Variants in FNIP2 observed in about 807,000 individuals in gnomAD.
FNIP2 encodes the protein folliculin interacting protein 2, also known as folliculin-interacting protein 2.
A neutral mutation model predicts 108.7 loss-of-function variants in FNIP2; 32 were observed. The observed-to-expected ratio is 0.29, with a 90% CI of 0.22 to 0.40. FNIP2 has a LOEUF of 0.40. FNIP2 is among the 10% of genes least tolerant of loss of function. The pLI is 1.00. For missense variants in FNIP2, 1,202 were observed against 1,381.6 expected, an observed-to-expected ratio of 0.87 and a Z score of 2.06; for synonymous variants, 480 against 496.7, an observed-to-expected ratio of 0.97 and a Z score of 0.45.
intron 15 of FNIP2, among the ~76,000 whole-genome samples, chr4:158,892,032 A>C (rs1414781608): frequency 6.6e-6 from 1 of 152,230 alleles, no homozygotes; most frequent in Non-Finnish European, 1.5e-5. Flanking sequence ...TTATTAAGCA[A>C]ACATTTTCAC....
intron 5 of FNIP2, among the ~76,000 whole-genome samples, chr4:158,833,227 A>C (rs1378735336): frequency 6.6e-6 from 1 of 152,230 alleles, no homozygotes; most frequent in Non-Finnish European, 1.5e-5. Flanking sequence ...CTCGGGTGTC[A>C]GTCACTGAAG....
rs1030406823 is a variant in FNIP2 at position 158,907,691 on chromosome 4, G to C, written c.*3147G>C. On this transcript the variant is annotated 3_prime_UTR_variant, in exon 17 of 17. Transcript: ENST00000264433. ...ATTGAAAATGTCTTCAGCTTCTCTT[G>C]GTAAATGTGAACCATTTGTTTTTTA... 1 of 152,124 alleles carries C rather than the reference G, an allele frequency of 6.6e-6. No homozygotes were observed. Among genetic ancestry groups the C allele is most frequent in the African/African-American group, 2.4e-5 (1 of 41,420 alleles). 9.4% of individuals were successfully genotyped at this position (152,124 alleles called of 1,614,324 possible).
chr4:158,869,585 G>C (rs934439992), intron 13 of FNIP2, among the ~76,000 whole-genome samples, 157 bp downstream of exon 13: 2 of 152,158 alleles, frequency 1.3e-5, no homozygotes, highest in Non-Finnish European at 2.9e-5. Flanking sequence ...CTATACAAAC[G>C]GTTTCCCACC....
chr4:158,822,017 G>A (rs912640117), intron 1 of FNIP2, among the ~76,000 whole-genome samples: 8 of 152,060 alleles, frequency 5.3e-5, no homozygotes, highest in African/African-American at 1.7e-4. Flanking sequence ...TTGAGCAGGA[G>A]GTTGAGGCTA....
chr4:158,890,026 TG>T (rs1441382698), intron 14 of FNIP2: 39 of 985,260 alleles, frequency 4.0e-5, no homozygotes, highest in Middle Eastern at 1.0e-3. Context: ...AAAATGGTGA[TG>T]GGGTCATTAT....
At chr4:158,783,729 TGCTCTAG>T (rs1776127166) in intron 1 of FNIP2, among the ~76,000 whole-genome samples, 1 of 152,340 alleles carries the variant, frequency 6.6e-6, no homozygotes, top group Non-Finnish European at 1.5e-5. Context: ...TGAACTGCAT[TGCTCTAG>T]GCTCTAGGTG....
intron 1 of FNIP2, among the ~76,000 whole-genome samples, chr4:158,811,346 A>AG (rs547514609): frequency 1.3e-5 from 2 of 152,172 alleles, no homozygotes; most frequent in Non-Finnish European, 2.9e-5. Flanking sequence ...AGGCAGAAAA[A>AG]GGAACTTAGT....
chr4:158,903,532 C>T (rs559682571), intron 16 of FNIP2, among the ~76,000 whole-genome samples: 71 of 152,264 alleles, frequency 4.7e-4, no homozygotes, highest in African/African-American at 1.7e-3. Context: ...TAATCATAAG[C>T]TTTTATTCCC....
chr4:158,902,267 G>A (rs1014356582), intron 16 of FNIP2, among the ~76,000 whole-genome samples: 1 of 152,156 alleles, frequency 6.6e-6, no homozygotes, highest in Admixed American at 6.5e-5. Flanking sequence ...GCTGTGGTTT[G>A]TTGGAGGTCC....
At chr4:158,851,064 TA>T (rs1475846467) in intron 7 of FNIP2, among the ~76,000 whole-genome samples, 3 of 152,224 alleles carry the variant, frequency 2.0e-5, no homozygotes, top group African/African-American at 4.8e-5. Context: ...TTGGCATAGA[TA>T]TTTTTTTTCC....
At chr4:158,870,975 G>C (rs1272552198) in intron 14 of FNIP2, among the ~76,000 whole-genome samples, 1 of 152,226 alleles carries the variant, frequency 6.6e-6, no homozygotes, top group African/African-American at 2.4e-5. Flanking sequence ...CTGGGCAAAT[G>C]GAATAAACAG....
chr4:158,879,887 A>G (rs1168318886), intron 14 of FNIP2, among the ~76,000 whole-genome samples: 1 of 150,408 alleles, frequency 6.6e-6, no homozygotes, highest in Non-Finnish European at 1.5e-5. Flanking sequence ...TCAAAACTAC[A>G]GTGAGATACC....
chr4:158,898,213 C>A (rs1032966832), intron 16 of FNIP2, among the ~76,000 whole-genome samples: 7 of 152,260 alleles, frequency 4.6e-5, no homozygotes, highest in African/African-American at 1.7e-4. Flanking sequence ...GTTTTGGTAC[C>A]AATACCGTGC....
rs768421257 is a variant in FNIP2, at chr4:158,869,378, C to T, written c.2742C>T (p.His914=). 2.4e-5 allele frequency: 38 copies of T among 1,610,808 alleles called. No individual in the cohort carries two copies. Among genetic ancestry groups the T allele is most frequent in the African/African-American group, 4.0e-5 (3 of 74,848 alleles). The change falls in exon 13 of 17, where the codon CAC becomes CAT. Residue 914 remains histidine, a synonymous_variant. Coordinates refer to ENST00000264433, the MANE Select transcript of FNIP2 (RefSeq NM_020840.3). ...ACASAMLDLG[H]GGDRTGGSLE... ...CTTCAGCCATGCTAGATCTGGGTCA[C>T]GGTGGTGACAGGACTGGAGGGTCCT...
At chr4:158,793,037 G>A (rs1452605283) in intron 1 of FNIP2, among the ~76,000 whole-genome samples, 1 of 152,178 alleles carries the variant, frequency 6.6e-6, no homozygotes, top group African/African-American at 2.4e-5. Flanking sequence ...AGGATCAGAG[G>A]GTATAGTCAA....
Position 158,901,870 on chromosome 4 carries a change from C to T in FNIP2, c.3267-2596C>T, listed in dbSNP as rs540609995. Reference sequence around the variant, plus strand: ...TATGTTCTTCTCTAAGCTAGTTATTCTAGTTAGCAATTCACCTAACCTTTT... The same window carrying T: ...TATGTTCTTCTCTAAGCTAGTTATTTTAGTTAGCAATTCACCTAACCTTTT... On this transcript the variant is annotated intron_variant, in intron 16 of 16. Coordinates refer to ENST00000264433, the MANE Select transcript of FNIP2 (RefSeq NM_020840.3). 3.3e-5 allele frequency among the ~76,000 whole-genome samples: 5 copies of T among 151,916 alleles called. No individual in the cohort carries two copies. In the East Asian group the frequency reaches 9.7e-4, roughly 30 times the overall value.
intron 1 of FNIP2, among the ~76,000 whole-genome samples, chr4:158,822,688 T>C (rs1777950769): frequency 6.6e-6 from 1 of 152,110 alleles, no homozygotes; most frequent in Admixed American, 6.5e-5. Flanking sequence ...TTAAACAGTC[T>C]GGGTCTTGCT....
In FNIP2 at chr4:158,880,996, C is replaced by T. The variant is rs571464700; in HGVS notation, c.2950-10450C>T. 3.9e-5 allele frequency among the ~76,000 whole-genome samples: 6 copies of T among 152,234 alleles called. No individual in the cohort carries two copies. In the East Asian group the frequency reaches 9.6e-4, roughly 24 times the overall value. ...GACTGACTAAAGGCCTTTCTTACAG[C>T]TACATAAAAGCTAATATTAAGTCAT... On this transcript the variant is annotated intron_variant, in intron 14 of 16. Coordinates refer to ENST00000264433, the MANE Select transcript of FNIP2 (RefSeq NM_020840.3).
At chr4:158,831,417 A>G (rs2126585809) in intron 3 of FNIP2, among the ~76,000 whole-genome samples, 1 of 152,328 alleles carries the variant, frequency 6.6e-6, no homozygotes, top group Admixed American at 6.5e-5. Context: ...ATAAAACCCT[A>G]TCTGCAGCAA....
Sources: gnomAD v4.1 joint callset for allele counts (sites outside exome capture counted in the v4.1 genomes callset) on GRCh38, gnomAD v4.1.1 for gene constraint, MANE v1.5 for transcripts, NCBI Gene and HGNC (gene_info 2026-07-23, HGNC 2026-07-21) for gene names.